ZFPM2: variants seen among roughly 807,000 people sequenced by gnomAD.
ZFPM2 encodes zinc finger protein ZFPM2.
ZFPM2 carries 20 observed loss-of-function variants against 98.6 expected under a neutral mutation model. That is an observed-to-expected ratio of 0.20 (90% CI 0.14 to 0.29). The LOEUF (loss-of-function observed/expected upper bound fraction) is 0.29, where lower values mean the gene tolerates loss of function less well. ZFPM2 is among the 10% of genes least tolerant of loss of function. The pLI is 1.00. For missense variants in ZFPM2, 1,310 were observed against 1,388.6 expected, an observed-to-expected ratio of 0.94 and a Z score of 0.90; for synonymous variants, 518 against 502.7, an observed-to-expected ratio of 1.03 and a Z score of -0.41.
chr8:105,418,139 A>G (rs775376985), intron 1 of ZFPM2, among the ~76,000 whole-genome samples: 1 of 152,158 alleles, frequency 6.6e-6, no homozygotes, highest in South Asian at 2.1e-4. Flanking sequence ...ATTTCCTAGG[A>G]CATTTCTAAA....
chr8:105,430,801 C>G (rs911016712), intron 2 of ZFPM2, among the ~76,000 whole-genome samples: 1 of 152,032 alleles, frequency 6.6e-6, no homozygotes, highest in Non-Finnish European at 1.5e-5. Context: ...CTCTTTTTTA[C>G]CCAGAGATGT....
chr8:105,604,046 A>G (rs1451278370), intron 4 of ZFPM2, among the ~76,000 whole-genome samples: 1 of 151,962 alleles, frequency 6.6e-6, no homozygotes, highest in Non-Finnish European at 1.5e-5. Flanking sequence ...CTCTCATCTG[A>G]GATCCAGACT....
chr8:105,379,753 CAAA>C (rs5893740), intron 1 of ZFPM2, among the ~76,000 whole-genome samples: 17 of 125,678 alleles, frequency 1.4e-4, no homozygotes, highest in Non-Finnish European at 1.3e-4. Context: ...AACTCTGTCT[CAAA>C]AAAAAAAAAA....
At chr8:105,384,959 C>T (rs1374849580) in intron 1 of ZFPM2, among the ~76,000 whole-genome samples, 3 of 152,144 alleles carry the variant, frequency 2.0e-5, no homozygotes, top group Non-Finnish European at 4.4e-5. Flanking sequence ...TAACAAAAGT[C>T]TCACACAGTC....
intron 5 of ZFPM2, among the ~76,000 whole-genome samples, chr8:105,720,499 G>T (rs753680225): frequency 6.6e-6 from 1 of 151,628 alleles, no homozygotes; most frequent in South Asian, 2.1e-4. Flanking sequence ...TAATCTCTAG[G>T]TTACCTTGTA....
intron 1 of ZFPM2, among the ~76,000 whole-genome samples, chr8:105,335,327 A>G (rs1812308060): frequency 6.6e-6 from 1 of 151,742 alleles, no homozygotes; most frequent in South Asian, 2.1e-4. Context: ...ATTCATTCTC[A>G]TAGATTCTGA....
chr8:105,713,396 A>C (rs1159256906), intron 5 of ZFPM2, among the ~76,000 whole-genome samples: 2 of 151,816 alleles, frequency 1.3e-5, no homozygotes, highest in Non-Finnish European at 2.9e-5. Flanking sequence ...TGTTGATTTA[A>C]GTTTCTTATA....
At chr8:105,343,860 G>T (rs1421307022) in intron 1 of ZFPM2, among the ~76,000 whole-genome samples, 2 of 152,048 alleles carry the variant, frequency 1.3e-5, no homozygotes, top group Non-Finnish European at 2.9e-5. Context: ...AATTTTAGAA[G>T]GATTTAGTTG....
At chr8:105,476,199 T>A (rs1171330046) in intron 3 of ZFPM2, among the ~76,000 whole-genome samples, 2 of 152,204 alleles carry the variant, frequency 1.3e-5, no homozygotes, top group Non-Finnish European at 2.9e-5. Context: ...CGTAGTCCAC[T>A]GGAACAGGGG....
chr8:105,518,842 A>G (rs1228583552), intron 3 of ZFPM2, among the ~76,000 whole-genome samples: 1 of 152,226 alleles, frequency 6.6e-6, no homozygotes, highest in Non-Finnish European at 1.5e-5. Flanking sequence ...AATTTTAAGG[A>G]AAGTTGTAGA....
chr8:105,601,166 A>G (rs1816083753), intron 4 of ZFPM2, among the ~76,000 whole-genome samples: 2 of 152,106 alleles, frequency 1.3e-5, no homozygotes, highest in African/African-American at 4.8e-5. Flanking sequence ...GAAGCCCTGC[A>G]CCATACTGCA....
At chr8:105,799,052 T>A in intron 7 of ZFPM2, 104 bp downstream of exon 7, 1 of 1,067,464 alleles carries the variant, frequency 9.4e-7, no homozygotes, top group Non-Finnish European at 1.3e-6. Context: ...TCTGTAGCTA[T>A]CTATAACATC....
At chr8:105,349,911 C>G (rs1485499757) in intron 1 of ZFPM2, among the ~76,000 whole-genome samples, 5 of 152,024 alleles carry the variant, frequency 3.3e-5, no homozygotes, top group Admixed American at 2.6e-4. Context: ...TCTGTAGTCT[C>G]TCAGTTGATT....
intron 1 of ZFPM2, among the ~76,000 whole-genome samples, chr8:105,373,876 T>G (rs796514602): frequency 5.9e-5 from 9 of 152,314 alleles, no homozygotes; most frequent in African/African-American, 2.2e-4. Flanking sequence ...AGCATTTTCT[T>G]TACCTCTGTC....
intron 1 of ZFPM2, among the ~76,000 whole-genome samples, chr8:105,326,606 C>T (rs1812119114): frequency 6.6e-6 from 1 of 151,552 alleles, no homozygotes; most frequent in African/African-American, 2.4e-5. Flanking sequence ...ATTTAATATT[C>T]TGGTAGTATT....
At chr8:105,436,180 G>GA (rs1395912413) in intron 2 of ZFPM2, among the ~76,000 whole-genome samples, 1 of 152,084 alleles carries the variant, frequency 6.6e-6, no homozygotes, top group African/African-American at 2.4e-5. Flanking sequence ...AAACCTTAGG[G>GA]AAAAAATAAT....
intron 5 of ZFPM2, among the ~76,000 whole-genome samples, chr8:105,703,051 T>C (rs924164697): frequency 6.6e-6 from 1 of 152,170 alleles, no homozygotes; most frequent in Non-Finnish European, 1.5e-5. Context: ...CTTGGACTCC[T>C]TTCCTGCCCC....
intron 3 of ZFPM2, among the ~76,000 whole-genome samples, chr8:105,499,664 T>C (rs1197301696): frequency 7.8e-6 from 1 of 128,122 alleles, no homozygotes; most frequent in Non-Finnish European, 1.6e-5. Context: ...CAGCTTAAAA[T>C]TGAATCTGAA....
At chr8:105,621,452 T>C (rs1816544066) in intron 4 of ZFPM2, among the ~76,000 whole-genome samples, 1 of 152,166 alleles carries the variant, frequency 6.6e-6, no homozygotes, top group Non-Finnish European at 1.5e-5. Context: ...TTTCTAAATA[T>C]ACAATCATGT....
Sources: gnomAD v4.1 joint callset for allele counts (sites outside exome capture counted in the v4.1 genomes callset) on GRCh38, gnomAD v4.1.1 for gene constraint, MANE v1.5 for transcripts, NCBI Gene and HGNC (gene_info 2026-07-23, HGNC 2026-07-21) for gene names.